The following PRKD3 variants were observed in gnomAD, a reference collection of about 807,000 sequenced individuals.
PRKD3 encodes serine/threonine-protein kinase D3.
PRKD3 carries 47 observed loss-of-function variants against 99.2 expected under a neutral mutation model. The observed-to-expected ratio is 0.47, with a 90% confidence interval of 0.38 to 0.60. The LOEUF (loss-of-function observed/expected upper bound fraction) is 0.60. Among genes scored for constraint, PRKD3 ranks in the 20% least tolerant of loss-of-function variants. PRKD3 has a pLI of 0.00. For missense variants in PRKD3, 1,019 were observed against 1,088.4 expected (o/e 0.94, Z 0.90); for synonymous variants, 392 against 355.4 (o/e 1.10, Z -1.16).
intron 13 of PRKD3, 130 bp from the exon 14 acceptor site, chr2:37,267,666 C>T (rs1317744569): frequency 7.5e-6 from 5 of 667,522 alleles, no homozygotes; most frequent in South Asian, 1.8e-5. Flanking sequence ...TCTTTCTCCA[C>T]ACTCCTTCAC....
chr2:37,263,617 A>C (rs1262525790), intron 14 of PRKD3, among the ~76,000 whole-genome samples: 2 of 151,954 alleles, frequency 1.3e-5, no homozygotes, highest in Non-Finnish European at 2.9e-5. Flanking sequence ...GCCTTCTTTC[A>C]TTTCATTTAA....
intron 6 of PRKD3, among the ~76,000 whole-genome samples, chr2:37,284,576 C>A (rs998936900): frequency 6.6e-6 from 1 of 152,154 alleles, no homozygotes; most frequent in Non-Finnish European, 1.5e-5. Flanking sequence ...CAAAACATTT[C>A]TCAGTGGCTG....
At chr2:37,300,063 C>T (rs1349403388) in intron 2 of PRKD3, among the ~76,000 whole-genome samples, 4 of 152,214 alleles carry the variant, frequency 2.6e-5, no homozygotes, top group South Asian at 4.2e-4. Context: ...AAAAGATATC[C>T]GCGATCCCAT....
At chr2:37,306,345 A>C (rs1671165212) in intron 2 of PRKD3, among the ~76,000 whole-genome samples, 1 of 152,176 alleles carries the variant, frequency 6.6e-6, no homozygotes, top group Non-Finnish European at 1.5e-5. Flanking sequence ...CTTCGGGTTT[A>C]ATCAGTAAAA....
intron 2 of PRKD3, among the ~76,000 whole-genome samples, chr2:37,302,222 C>T (rs1341856186): frequency 6.6e-6 from 1 of 152,082 alleles, no homozygotes; most frequent in Non-Finnish European, 1.5e-5. Flanking sequence ...TTTAATTTGG[C>T]CTCTTTCCAA....
At chr2:37,257,548 C>G (rs990232215) in intron 16 of PRKD3, among the ~76,000 whole-genome samples, 1 of 151,614 alleles carries the variant, frequency 6.6e-6, no homozygotes, top group Non-Finnish European at 1.5e-5. Context: ...TGCCTGTAGT[C>G]CCAGCTACTT....
At chr2:37,308,265 A>G (rs527689316) in intron 2 of PRKD3, among the ~76,000 whole-genome samples, 3 of 152,142 alleles carry the variant, frequency 2.0e-5, no homozygotes. Flanking sequence ...TGTATACGTT[A>G]TAATTTTTAA....
chr2:37,283,624 A>C (rs746669657), intron 6 of PRKD3, among the ~76,000 whole-genome samples: 1 of 152,172 alleles, frequency 6.6e-6, no homozygotes, highest in African/African-American at 2.4e-5. Context: ...ACTACCTCTT[A>C]AACAATAGAT....
intron 2 of PRKD3, among the ~76,000 whole-genome samples, chr2:37,312,450 G>A (rs868327253): frequency 6.6e-6 from 1 of 152,086 alleles, no homozygotes; most frequent in Non-Finnish European, 1.5e-5. Context: ...CTTTTCTATC[G>A]TACTACATAT....
At chr2:37,317,533 C>CT (rs1203035014) in intron 1 of PRKD3, among the ~76,000 whole-genome samples, 1 of 151,980 alleles carries the variant, frequency 6.6e-6, no homozygotes, top group Non-Finnish European at 1.5e-5. Context: ...AACAGTAAAA[C>CT]TGACATTTTC....
Position 37,289,428 on chromosome 2 carries a change from T to A in PRKD3, c.645A>T (p.Val215=), listed in dbSNP as rs760047457. The part of the protein sequence containing the change: ...SGVRKRRLSN[V]SLPGPGLSVP... Reference sequence around the variant, plus strand: ...CTGAGAGGCCGGGTCCTGGTAAAGATACATTTGACAGACGTCTCTTTCTTA... The same window carrying A: ...CTGAGAGGCCGGGTCCTGGTAAAGAAACATTTGACAGACGTCTCTTTCTTA... The change falls in exon 5 of 19, where the codon GTA becomes GTT. Residue 215 remains valine (V), a synonymous_variant. Coordinates refer to ENST00000234179, the MANE Select transcript of PRKD3 (RefSeq NM_005813.6). 2 of 1,613,904 alleles carry A rather than the reference T, an allele frequency of 1.2e-6. No homozygotes were observed. Among genetic ancestry groups the A allele is most frequent in the African/African-American group, 2.7e-5 (2 of 74,934 alleles).
At chr2:37,262,950 G>C (rs1207610443) in intron 14 of PRKD3, among the ~76,000 whole-genome samples, 1 of 140,482 alleles carries the variant, frequency 7.1e-6, no homozygotes, top group Non-Finnish European at 1.5e-5. Context: ...ATTCTTCTTT[G>C]CTTAGGATGG....
In PRKD3 at chr2:37,279,911, G is replaced by A. The variant is rs748575652; in HGVS notation, c.1007C>T (p.Thr336Ile). The change falls in exon 8 of 19, where the codon ACA becomes ATA. Residue 336 changes from threonine (T) to isoleucine (I), a missense_variant. By Grantham distance (89) the Thr-to-Ile change is moderately conservative (BLOSUM62 -1). This residue lies in a region of PRKD3 where 710 missense variants were observed against 692.7 expected (regional missense o/e 1.02). Coordinates refer to ENST00000234179, the MANE Select transcript of PRKD3 (RefSeq NM_005813.6). ...AATATCCATTGGTATATCTGTATCT[G>A]TTCCCAGACTGGAAGGTTCTGGGAA... ...TFNGEPSSLG[T>I]DTDIPMDIDN... 5.6e-6 allele frequency: 9 copies of A among 1,603,982 alleles called. No homozygotes were observed. The South Asian group carries it at 1.0e-4, about 18-fold the overall frequency.
intron 2 of PRKD3, among the ~76,000 whole-genome samples, chr2:37,299,511 TACACACACACACACACACACACACACAC>T (rs70949749): frequency 8.3e-5 from 11 of 132,596 alleles, no homozygotes; most frequent in South Asian, 5.3e-4. Context: ...TCTACTAAAA[TACACACACACACACACACACACACACAC>T]ACACACACAC....
chr2:37,296,217 A>G (rs1298027472), intron 2 of PRKD3, among the ~76,000 whole-genome samples: 1 of 152,220 alleles, frequency 6.6e-6, no homozygotes. Flanking sequence ...CCTAAATAAT[A>G]AACACACCAA....
intron 2 of PRKD3, among the ~76,000 whole-genome samples, chr2:37,304,103 C>T (rs1172579710): frequency 4.0e-5 from 6 of 151,162 alleles, no homozygotes; most frequent in Non-Finnish European, 7.4e-5. Context: ...AACATAAACT[C>T]GATCATAGTA....
At chr2:37,269,988 G>C (rs1355649764) in intron 12 of PRKD3, among the ~76,000 whole-genome samples, 1 of 152,170 alleles carries the variant, frequency 6.6e-6, no homozygotes, top group East Asian at 1.9e-4. Flanking sequence ...AGCACTTTGG[G>C]AGGCTGAGGC....
intron 6 of PRKD3, among the ~76,000 whole-genome samples, chr2:37,284,228 T>C (rs1669986165): frequency 6.6e-6 from 1 of 152,226 alleles, no homozygotes; most frequent in African/African-American, 2.4e-5. Flanking sequence ...AGTATCTTAA[T>C]TCATACTATT....
chr2:37,254,181 A>G, intron 18 of PRKD3, 23 bp downstream of exon 18: 1 of 1,559,144 alleles, frequency 6.4e-7, no homozygotes, highest in Non-Finnish European at 8.8e-7. Context: ...GGATTGCCAA[A>G]GAGAGATTAC....
Sources: gnomAD v4.1 joint callset for allele counts (sites outside exome capture counted in the v4.1 genomes callset) on GRCh38, gnomAD v4.1.1 for gene constraint, gnomAD v4.1.1 regional missense constraint, MANE v1.5 for transcripts, NCBI Gene and HGNC (gene_info 2026-07-23, HGNC 2026-07-21) for gene names.